The following CD226 variants were observed in gnomAD, a reference collection of about 807,000 sequenced individuals.
The protein encoded by CD226 is CD226 molecule, also known as CD226 antigen.
CD226 carries 24 observed loss-of-function variants against 34.9 expected under a neutral mutation model. The observed-to-expected ratio is 0.69, with a 90% CI of 0.50 to 0.97. The LOEUF (loss-of-function observed/expected upper bound fraction) is 0.97, where lower values mean the gene tolerates loss of function less well. Among genes scored for constraint, CD226 ranks in the 50% least tolerant of loss-of-function variants. The pLI is 0.00. For synonymous variants in CD226, 148 were observed against 147.4 expected, an observed-to-expected ratio of 1.00 and a Z score of -0.03; for missense variants, 397 against 412.7, an observed-to-expected ratio of 0.96 and a Z score of 0.33.
In CD226 at chr18:69,859,620, C is replaced by T. The variant is rs1470347588; in HGVS notation, c.*4694G>A. 6.6e-6 allele frequency: 1 copy of T among 150,796 alleles called. No individual in the cohort carries two copies. The highest frequency in any genetic ancestry group is 2.4e-5 in the African/African-American group (1 of 41,144). 9.3% of individuals were successfully genotyped at this position (150,796 alleles called of 1,614,324 possible). ...TAAGCATGCTATTCAGAAAAGTGAA[C>T]ATAAATAAAATAATGAGTTAGAAGT... On this transcript the variant is annotated 3_prime_UTR_variant, in exon 6 of 6. Coordinates refer to ENST00000582621, the MANE Select transcript of CD226 (RefSeq NM_001303618.2).
At chr18:69,940,022 G>A (rs2055703594) in intron 2 of CD226, among the ~76,000 whole-genome samples, 1 of 152,182 alleles carries the variant, frequency 6.6e-6, no homozygotes, top group Non-Finnish European at 1.5e-5. Context: ...GAGACCAGGT[G>A]GAGATAACTG....
At chr18:69,909,386 A>C (rs575195116) in intron 2 of CD226, among the ~76,000 whole-genome samples, 1 of 152,074 alleles carries the variant, frequency 6.6e-6, no homozygotes, top group Non-Finnish European at 1.5e-5. Context: ...TCCTGGCACC[A>C]CTCACCCCTG....
chr18:69,901,072 T>C (rs1417037912), intron 2 of CD226, among the ~76,000 whole-genome samples: 1 of 151,870 alleles, frequency 6.6e-6, no homozygotes, highest in Non-Finnish European at 1.5e-5. Context: ...ACCACCAACT[T>C]ACAGAACTGC....
rs1386424523 is a variant in CD226, at chr18:69,858,753, G to A, written c.*5561C>T. ...TTTTTTTTTTTTTTTTTTTTGAGAC[G>A]GAGTCTCGCTCTGTTGCCCAGGGTG... On this transcript the variant is annotated 3_prime_UTR_variant, in exon 6 of 6. Coordinates refer to ENST00000582621, the MANE Select transcript of CD226 (RefSeq NM_001303618.2). 5.3e-5 allele frequency: 3 copies of A among 57,022 alleles called. No homozygotes were observed. The highest frequency in any genetic ancestry group is 8.9e-5 in the African/African-American group (2 of 22,526). The allele number at this position is 57,022 out of a possible 1,614,324, so 3.5% of individuals were successfully genotyped here. A position where few individuals can be genotyped will look rare whatever the true frequency, so the allele number is the denominator to read the frequency against.
chr18:69,895,735 G>GT lies in CD226; in HGVS notation c.692dup (p.Asn231LysfsTer14). Reference sequence around the variant, plus strand: ...CAGTCAATCTCATCACGAAGGTTTCGTTTTCTCCTGCGCTGGCCTGCAAGT... The same window carrying GT: ...CAGTCAATCTCATCACGAAGGTTTCGTTTTTCTCCTGCGCTGGCCTGCAAGT... On this transcript the variant is annotated frameshift_variant, in exon 3 of 6. Coordinates refer to ENST00000582621, the MANE Select transcript of CD226 (RefSeq NM_001303618.2). LOFTEE classifies it high-confidence loss of function. 1 of 1,613,934 alleles carries GT rather than the reference G, an allele frequency of 6.2e-7. No individual in the cohort carries two copies. The highest frequency in any genetic ancestry group is 8.5e-7 in the Non-Finnish European group (1 of 1,179,864).
intron 3 of CD226, among the ~76,000 whole-genome samples, chr18:69,883,249 TTTTAAC>T (rs1568167233): frequency 6.6e-6 from 1 of 152,198 alleles, no homozygotes; most frequent in Non-Finnish European, 1.5e-5. Context: ...AGAAGTTATT[TTTTAAC>T]TTTAACTTTA....
At chr18:69,871,807 T>C (rs1983539491) in intron 4 of CD226, among the ~76,000 whole-genome samples, 1 of 152,160 alleles carries the variant, frequency 6.6e-6, no homozygotes, top group Non-Finnish European at 1.5e-5. Context: ...AATGACAGGG[T>C]TAATGAGTTT....
At position 69,868,122 on chromosome 18, in the gene CD226, C is replaced by G. The variant is rs181386590; in HGVS notation, c.831-711G>C. On this transcript the variant is annotated intron_variant, in intron 4 of 5. Transcript: ENST00000582621. ...CCAATGAAACCCATAAAAACCTAACCAGGGGAATCATAGAAGAGAAAATAC... is the reference window on the plus strand; with the variant it reads ...CCAATGAAACCCATAAAAACCTAACGAGGGGAATCATAGAAGAGAAAATAC... Among the ~76,000 whole-genome samples the G allele has an allele frequency of 7.0e-4, 106 of 152,222 alleles. 1 individual carries two copies. The highest frequency in any genetic ancestry group is 3.4e-3 in the Middle Eastern group (1 of 294).
chr18:69,901,079 C>T (rs2055176672), intron 2 of CD226, among the ~76,000 whole-genome samples: 2 of 152,176 alleles, frequency 1.3e-5, no homozygotes, highest in South Asian at 2.1e-4. Context: ...ACTTACAGAA[C>T]TGCAAAGAGC....
intron 2 of CD226, among the ~76,000 whole-genome samples, chr18:69,935,354 TGCTGGAGAACAATGCCCAC>T (rs2055639643): frequency 1.3e-5 from 2 of 152,164 alleles, no homozygotes; most frequent in South Asian, 4.1e-4. Flanking sequence ...CCAGAGCAAG[TGCTGGAGAACAATGCCCAC>T]TATCTGCAGC....
chr18:69,958,943 T>C (rs1441265111), upstream of CD226, among the ~76,000 whole-genome samples: 3 of 152,202 alleles, frequency 2.0e-5, no homozygotes, highest in African/African-American at 7.2e-5. Context: ...GTTGTTTCTC[T>C]GTAGAGGTTT....
chr18:69,923,732 T>C (rs1204233514), intron 2 of CD226, among the ~76,000 whole-genome samples: 1 of 152,116 alleles, frequency 6.6e-6, no homozygotes, highest in African/African-American at 2.4e-5. Context: ...GGCGGGCGGA[T>C]CACGAGGTCA....
upstream of CD226, among the ~76,000 whole-genome samples, chr18:69,957,576 G>A (rs943202386): frequency 6.6e-6 from 1 of 152,184 alleles, no homozygotes; most frequent in African/African-American, 2.4e-5. Context: ...AGGCTTTAGT[G>A]TGTAAAATTC....
intron 3 of CD226, among the ~76,000 whole-genome samples, chr18:69,885,260 T>A (rs1984490207): frequency 6.6e-6 from 1 of 152,162 alleles, no homozygotes; most frequent in Non-Finnish European, 1.5e-5. Context: ...TACATAAACA[T>A]GAGAGAACAT....
chr18:69,960,086 A>G (rs2055922572), upstream of CD226, among the ~76,000 whole-genome samples: 1 of 152,012 alleles, frequency 6.6e-6, no homozygotes, highest in Non-Finnish European at 1.5e-5. Flanking sequence ...CTAAAAATAC[A>G]AAAATTAGCC....
chr18:69,902,825 T>C (rs1204293645), intron 2 of CD226, among the ~76,000 whole-genome samples: 2 of 152,080 alleles, frequency 1.3e-5, no homozygotes, highest in Non-Finnish European at 2.9e-5. Context: ...GCACTATTAT[T>C]ACACTAGCTA....
chr18:69,884,502 T>A (rs1347955803), intron 3 of CD226, among the ~76,000 whole-genome samples: 2 of 152,236 alleles, frequency 1.3e-5, no homozygotes. Flanking sequence ...CATGCACATC[T>A]TTTTAACGGC....
rs547014361 is a variant in CD226 at position 69,857,899 on chromosome 18, C to A, written c.*6415G>T. ...TTTCCATTTAAAAATGGACAAAAAT[C>A]AACTTCTTACTTGAAATTTTGGAGG... On this transcript the variant is annotated 3_prime_UTR_variant, in exon 6 of 6. Coordinates refer to ENST00000582621, the MANE Select transcript of CD226 (RefSeq NM_001303618.2). The A allele has an allele frequency of 2.6e-5, 4 of 152,178 alleles. No homozygotes were observed. The South Asian group carries it at 8.3e-4, about 32-fold the overall frequency. The allele number at this position is 152,178 out of a possible 1,614,324, so 9.4% of individuals were successfully genotyped here. A position where few individuals can be genotyped will look rare whatever the true frequency, so the allele number is the denominator to read the frequency against.
chr18:69,885,812 G>C (rs1029101112), intron 3 of CD226, among the ~76,000 whole-genome samples: 1 of 151,988 alleles, frequency 6.6e-6, no homozygotes. Context: ...ACTCCATGAT[G>C]TGCACAAGCC....
Sources: allele counts gnomAD v4.1 joint callset (sites outside exome capture counted in the v4.1 genomes callset), GRCh38; gene constraint gnomAD v4.1.1; transcripts MANE v1.5; gene names NCBI Gene and HGNC (gene_info 2026-07-23, HGNC 2026-07-21).